Variants in TMEM184B observed in about 807,000 individuals in gnomAD.
TMEM184B encodes transmembrane protein 184B.
TMEM184B carries 17 observed loss-of-function variants against 41.8 expected under a neutral mutation model. The observed-to-expected ratio is 0.41, with a 90% confidence interval of 0.28 to 0.61. TMEM184B has a LOEUF of 0.61. Ranked by LOEUF, TMEM184B falls within the 20% of genes least tolerant of loss-of-function variation. The pLI, the probability that TMEM184B is intolerant of heterozygous loss-of-function variation, is 0.34. For missense variants in TMEM184B, 393 were observed against 557.8 expected, an observed-to-expected ratio of 0.70 and a Z score of 2.98; for synonymous variants, 240 against 229.5, an observed-to-expected ratio of 1.05 and a Z score of -0.41.
intron 8 of TMEM184B, 90 bp from the exon 9 acceptor site, chr22:38,221,800 C>T (rs1431587952): frequency 1.3e-5 from 20 of 1,533,260 alleles, no homozygotes; most frequent in Non-Finnish European, 1.8e-5. Context: ...CTGGGACAGA[C>T]ACCCCCCAAC....
At chr22:38,231,956 A>G (rs1334313225) in intron 3 of TMEM184B, 1 of 180,408 alleles carries the variant, frequency 5.5e-6, no homozygotes, top group East Asian at 1.3e-4. Flanking sequence ...ACCTCTGAAC[A>G]GCCACTGCAC....
intron 2 of TMEM184B, among the ~76,000 whole-genome samples, chr22:38,247,114 C>T (rs549893064): frequency 3.9e-5 from 6 of 152,276 alleles, no homozygotes; most frequent in East Asian, 3.9e-4. Flanking sequence ...TACAGGCAGA[C>T]GGGAGACTTG....
intron 1 of TMEM184B, 36 bp from the exon 2 acceptor site, chr22:38,248,055 A>T: frequency 1.4e-6 from 2 of 1,469,658 alleles, no homozygotes; most frequent in Non-Finnish European, 1.8e-6. Flanking sequence ...GTCTCCTCCC[A>T]GGGCAAGTGG....
At chr22:38,246,226 A>G in intron 2 of TMEM184B, 126 bp from the exon 3 acceptor site, 2 of 1,196,314 alleles carry the variant, frequency 1.7e-6, no homozygotes, top group Non-Finnish European at 2.3e-6. Context: ...CCTGAGCCTC[A>G]GAGCCCTGCT....
chr22:38,236,454 A>G (rs1263811788), intron 3 of TMEM184B, among the ~76,000 whole-genome samples: 1 of 150,532 alleles, frequency 6.6e-6, no homozygotes, highest in Non-Finnish European at 1.5e-5. Flanking sequence ...CTGCAGCTCA[A>G]TATACTCAAT....
intron 1 of TMEM184B, among the ~76,000 whole-genome samples, chr22:38,259,565 C>G (rs5756998): frequency 0.43 from 64,812 of 151,884 alleles, 14,256 homozygotes; most frequent in African/African-American, 0.54. Flanking sequence ...TGGCGAAAGG[C>G]GCCACAAGCC....
chr22:38,221,573 G>A lies in TMEM184B; in HGVS notation c.1120C>T (p.Pro374Ser), dbSNP rs1422833191. 1.2e-6 allele frequency: 2 copies of A among 1,613,910 alleles called. No individual in the cohort carries two copies. The highest frequency in any genetic ancestry group is 1.7e-5 in the Admixed American group (1 of 60,002). Residue 374 changes from proline (P) to serine (S), a missense_variant, in exon 9 of 9, where the codon CCC (proline) becomes TCC (serine). Pro to Ser is a moderately conservative substitution (Grantham distance 74). Around this residue, in one of 2 missense-constraint regions of TMEM184B, gnomAD observed 271 missense variants for 434.1 expected, o/e 0.62. Transcript: ENST00000361906. The stretch of plus-strand genomic sequence containing the variant: ...CCGTGGGCGCCACCACGCCAGGTGG[G>A]CCCAGGCTCCAGGGTGGACTGCTGC... ...YTQQSTLEPG[P>S]TWRGGAHGLS...
intron 5 of TMEM184B, among the ~76,000 whole-genome samples, chr22:38,228,535 G>A (rs2145583859): frequency 6.6e-6 from 1 of 152,324 alleles, no homozygotes; most frequent in African/African-American, 2.4e-5. Flanking sequence ...CTTTAGACAT[G>A]TGCCAGGTTC....
In TMEM184B at chr22:38,221,285, G is replaced by A; in HGVS notation, c.*184C>T. The A allele has an allele frequency of 7.0e-7, 1 of 1,429,764 alleles. No individual in the cohort carries two copies. The highest frequency in any genetic ancestry group is 9.1e-7 in the Non-Finnish European group (1 of 1,096,762). 88.6% of individuals were successfully genotyped at this position (1,429,764 alleles called of 1,614,324 possible). On this transcript the variant is annotated 3_prime_UTR_variant, in exon 9 of 9. Transcript: ENST00000361906. ...TGGGCCATGTATAAATATTCCTGAA[G>A]GCCCATGGGCGAGCCTGGCTGTCCC... is the stretch of plus-strand genomic sequence containing the variant.
Position 38,246,084 on chromosome 22 carries a change from C to T in TMEM184B, c.209G>A (p.Arg70His), listed in dbSNP as rs752677361. The T allele has an allele frequency of 8.1e-6, 13 of 1,611,350 alleles. No homozygotes were observed. Among genetic ancestry groups the T allele is most frequent in the East Asian group, 4.5e-5 (2 of 44,886 alleles). Reference protein sequence around the residue: ...ITCHQIYMHLRCYSCPNEQRY... With the variant: ...ITCHQIYMHLHCYSCPNEQRY... ...CTGCTCGTTGGGGCAGCTGTAGCAG[C>T]GCAGGTGCATGTAGATCTGGGGGCA... The change falls in exon 3 of 9, where the codon CGC becomes CAC. Residue 70 changes from arginine to histidine, a missense_variant. Physicochemically the swap from Arg to His is conservative, Grantham distance 29. Coordinates refer to ENST00000361906, the MANE Select transcript of TMEM184B (RefSeq NM_012264.5).
Position 38,225,076 on chromosome 22 carries a change from G to T in TMEM184B, c.788-97C>A. On this transcript the variant is annotated intron_variant, in intron 7 of 8. Coordinates refer to ENST00000361906, the MANE Select transcript of TMEM184B (RefSeq NM_012264.5). The surrounding 1 kb of genome is among the most constrained non-coding windows in gnomAD (Gnocchi z 4.4). Reference sequence around the variant, plus strand: ...CATTCAGCTGCCCACATGCCCCAGTGAGGATGTGAGCAGGGCCACAGCTGC... The same window carrying T: ...CATTCAGCTGCCCACATGCCCCAGTTAGGATGTGAGCAGGGCCACAGCTGC... The T allele has an allele frequency of 7.4e-7, 1 of 1,358,006 alleles. No homozygotes were observed. Among genetic ancestry groups the T allele is most frequent in the Non-Finnish European group, 9.8e-7 (1 of 1,015,358 alleles). 84.1% of individuals were successfully genotyped at this position (1,358,006 alleles called of 1,614,324 possible).
At chr22:38,238,312 G>A (rs371122985) in intron 3 of TMEM184B, among the ~76,000 whole-genome samples, 15 of 148,368 alleles carry the variant, frequency 1.0e-4, no homozygotes, top group Admixed American at 5.5e-4. Context: ...TGCAACCTCC[G>A]TCTCCTGGGT....
At chr22:38,272,441 C>T (rs1447208549) in intron 1 of TMEM184B, 18 of 982,968 alleles carry the variant, frequency 1.8e-5, no homozygotes, top group Non-Finnish European at 1.8e-5. Flanking sequence ...AGCCCCCCGC[C>T]GACCACCCTC....
At chr22:38,240,325 G>T (rs1161261372) in intron 3 of TMEM184B, among the ~76,000 whole-genome samples, 1 of 151,948 alleles carries the variant, frequency 6.6e-6, no homozygotes, top group Non-Finnish European at 1.5e-5. Flanking sequence ...GAGAGCTACT[G>T]ACATTCTAAA....
At chr22:38,249,095 C>G (rs551805772) in intron 1 of TMEM184B, among the ~76,000 whole-genome samples, 57 of 152,338 alleles carry the variant, frequency 3.7e-4, no homozygotes, top group African/African-American at 1.3e-3. Context: ...TGTTCATCCT[C>G]CTGCCTACTC....
chr22:38,228,652 A>C (rs9607521), intron 5 of TMEM184B, among the ~76,000 whole-genome samples: 1 of 152,200 alleles, frequency 6.6e-6, no homozygotes, highest in African/African-American at 2.4e-5. Flanking sequence ...GATATTGAGC[A>C]CTGGCCCTGA....
intron 3 of TMEM184B, among the ~76,000 whole-genome samples, chr22:38,242,473 G>A (rs924963898): frequency 2.6e-5 from 4 of 151,854 alleles, no homozygotes; most frequent in Non-Finnish European, 4.4e-5. Flanking sequence ...GCGAGACTCC[G>A]TCTCTAAAAA....
chr22:38,272,806 C>T (rs1356067940), intron 1 of TMEM184B, 78 bp downstream of exon 1: 1 of 984,004 alleles, frequency 1.0e-6, no homozygotes, highest in Non-Finnish European at 1.2e-6. Context: ...CGGGCCTCTC[C>T]GAAACAAGCA....
chr22:38,220,029 C>G lies in TMEM184B; in HGVS notation c.*1440G>C, dbSNP rs2091216672. 1.0e-6 allele frequency: 1 copy of G among 985,410 alleles called. No individual in the cohort carries two copies. The highest frequency in any genetic ancestry group is 4.7e-5 in the South Asian group (1 of 21,300). The allele number at this position is 985,410 out of a possible 1,614,324, so 61.0% of individuals were successfully genotyped here. On this transcript the variant is annotated 3_prime_UTR_variant, in exon 9 of 9. Transcript: ENST00000361906. ...AATCCCCAGTGAACACCGGCAGGGT[C>G]CCTCTCCCTTACCCTACCAGCTTCT...
Sources: gnomAD v4.1 joint callset for allele counts (sites outside exome capture counted in the v4.1 genomes callset) on GRCh38, gnomAD v4.1.1 for gene constraint, gnomAD v4.1.1 regional missense constraint, Gnocchi (gnomAD v3.1) non-coding constraint, MANE v1.5 for transcripts, NCBI Gene and HGNC (gene_info 2026-07-23, HGNC 2026-07-21) for gene names.